Variants in MAPK8 observed in about 807,000 individuals in gnomAD.
MAPK8 encodes mitogen-activated protein kinase 8.
Under a neutral mutation model 52.9 loss-of-function variants are expected in MAPK8, and 13 were observed. That is an observed-to-expected ratio of 0.25 (90% CI 0.16 to 0.39). MAPK8 has a LOEUF of 0.39. Among genes scored for constraint, MAPK8 ranks in the 10% least tolerant of loss-of-function variants. The probability of loss-of-function intolerance (pLI) is 1.00; values close to 1 mark genes in which losing one functional copy is unlikely to be tolerated. For synonymous variants in MAPK8, 191 were observed against 169.8 expected (o/e 1.12, Z -0.97); for missense variants, 300 against 519.2 (o/e 0.58, Z 4.10).
chr10:48,335,158 T>C (rs538581110), intron 1 of MAPK8, among the ~76,000 whole-genome samples: 2 of 152,288 alleles, frequency 1.3e-5, no homozygotes, highest in Non-Finnish European at 2.9e-5. Flanking sequence ...TGAAAATGGA[T>C]CATTTAAAAT....
chr10:48,379,959 A>AG (rs34319887), intron 1 of MAPK8, among the ~76,000 whole-genome samples: 1 of 150,698 alleles, frequency 6.6e-6, no homozygotes, highest in African/African-American at 2.5e-5. Context: ...AAAAAAAAAA[A>AG]CAGACTAGAT....
chr10:48,434,373 A>G (rs1184493451), intron 11 of MAPK8, among the ~76,000 whole-genome samples: 1 of 152,224 alleles, frequency 6.6e-6, no homozygotes, highest in East Asian at 1.9e-4. Context: ...CTTTAAAACA[A>G]GATGTGCCAG....
chr10:48,421,756 A>T (rs895716775), intron 6 of MAPK8, among the ~76,000 whole-genome samples: 1 of 152,164 alleles, frequency 6.6e-6, no homozygotes, highest in Admixed American at 6.5e-5. Flanking sequence ...GTGAGCCGAG[A>T]TTGCACCACT....
intron 6 of MAPK8, among the ~76,000 whole-genome samples, chr10:48,422,546 T>C (rs918954808): frequency 6.6e-6 from 1 of 152,174 alleles, no homozygotes; most frequent in African/African-American, 2.4e-5. Flanking sequence ...AAAATACTTT[T>C]GTTTAAAAAT....
chr10:48,359,951 G>C (rs1157519070), intron 1 of MAPK8, among the ~76,000 whole-genome samples: 1 of 152,176 alleles, frequency 6.6e-6, no homozygotes, highest in Non-Finnish European at 1.5e-5. Flanking sequence ...TATAAGGGGA[G>C]TGAGACAGCA....
chr10:48,386,848 G>A (rs2041342505), intron 1 of MAPK8, among the ~76,000 whole-genome samples: 1 of 152,146 alleles, frequency 6.6e-6, no homozygotes, highest in South Asian at 2.1e-4. Flanking sequence ...TTACTTTACT[G>A]CCAAGGATAT....
At chr10:48,380,794 C>G (rs1188816614) in intron 1 of MAPK8, among the ~76,000 whole-genome samples, 1 of 152,106 alleles carries the variant, frequency 6.6e-6, no homozygotes, top group Non-Finnish European at 1.5e-5. Context: ...GTTTGAAATG[C>G]TCAGTGTTAA....
chr10:48,360,723 A>G (rs1005558195), intron 1 of MAPK8, among the ~76,000 whole-genome samples: 2 of 152,190 alleles, frequency 1.3e-5, no homozygotes, highest in African/African-American at 4.8e-5. Context: ...GTATGCCATG[A>G]TTTCTTTTAT....
chr10:48,404,749 T>C (rs1444703080), intron 2 of MAPK8, 103 bp from the exon 3 acceptor site: 1 of 826,560 alleles, frequency 1.2e-6, no homozygotes, highest in Non-Finnish European at 1.9e-6. Flanking sequence ...ATCCAGTTAC[T>C]TGTCTTTGGA....
At chr10:48,359,712 TG>T (rs1443893286) in intron 1 of MAPK8, among the ~76,000 whole-genome samples, 2 of 151,964 alleles carry the variant, frequency 1.3e-5, no homozygotes, top group Non-Finnish European at 2.9e-5. Context: ...GATAGACACA[TG>T]AAAAAAAATA....
At chr10:48,398,414 C>T (rs573135587) in intron 1 of MAPK8, among the ~76,000 whole-genome samples, 9 of 152,134 alleles carry the variant, frequency 5.9e-5, no homozygotes, top group Admixed American at 4.6e-4. Flanking sequence ...CATGAAATAC[C>T]ACTGTACACC....
chr10:48,360,124 G>A (rs1324759775), intron 1 of MAPK8, among the ~76,000 whole-genome samples: 1 of 152,038 alleles, frequency 6.6e-6, no homozygotes, highest in Non-Finnish European at 1.5e-5. Flanking sequence ...CCGAGATCGT[G>A]TCACTGCACT....
intron 1 of MAPK8, among the ~76,000 whole-genome samples, chr10:48,322,249 T>A (rs1233951441): frequency 1.3e-5 from 2 of 152,100 alleles, no homozygotes; most frequent in Admixed American, 6.5e-5. Context: ...ATGTAACGAT[T>A]ATGGAGTGAA....
chr10:48,422,006 CTTAT>C (rs199974312), intron 6 of MAPK8, among the ~76,000 whole-genome samples: 5,195 of 143,904 alleles, frequency 0.036, 94 homozygotes, highest in Admixed American at 0.05. Flanking sequence ...TTTTATTTAT[CTTAT>C]TTATTTATTT....
At chr10:48,340,554 T>G (rs572591281) in intron 1 of MAPK8, among the ~76,000 whole-genome samples, 2 of 152,142 alleles carry the variant, frequency 1.3e-5, no homozygotes, top group South Asian at 4.1e-4. Context: ...ATAAATATAC[T>G]CATAATTCTC....
At chr10:48,395,852 A>G (rs1402437640) in intron 1 of MAPK8, among the ~76,000 whole-genome samples, 1 of 152,090 alleles carries the variant, frequency 6.6e-6, no homozygotes, top group Non-Finnish European at 1.5e-5. Context: ...CTGAAGTTTG[A>G]CAAAGATGCA....
intron 2 of MAPK8, among the ~76,000 whole-genome samples, chr10:48,403,322 G>A (rs990795448): frequency 6.6e-6 from 1 of 152,078 alleles, no homozygotes; most frequent in Admixed American, 6.5e-5. Flanking sequence ...GCTGGGCATG[G>A]TGGCACATGC....
intron 3 of MAPK8, 146 bp downstream of exon 3, chr10:48,405,127 A>C (rs935268513): frequency 5.8e-5 from 16 of 276,794 alleles, no homozygotes; most frequent in African/African-American, 2.2e-4. Flanking sequence ...ATATATATAT[A>C]TCTACAGGGT....
chr10:48,342,066 A>G lies in MAPK8; in HGVS notation c.-50+35245A>G, dbSNP rs116477886. Among the ~76,000 whole-genome samples, 1,081 of 152,344 alleles carry G rather than the reference A, an allele frequency of 7.1e-3. 11 individuals are homozygous for G. Among genetic ancestry groups the G allele is most frequent in the African/African-American group, 0.025 (1,035 of 41,578 alleles). On this transcript the variant is annotated intron_variant, in intron 1 of 11. Coordinates refer to ENST00000374189, the MANE Select transcript of MAPK8 (RefSeq NM_001323329.2). ...GTGGCAGGAGAAGTATGCAGGGCCT[A>G]TATCACACAAGACTGAGTACAAGTT...
Sources: gnomAD v4.1 joint callset for allele counts (sites outside exome capture counted in the v4.1 genomes callset) on GRCh38, gnomAD v4.1.1 for gene constraint, MANE v1.5 for transcripts, NCBI Gene and HGNC (gene_info 2026-07-23, HGNC 2026-07-21) for gene names.